Variants in RNF40 observed in about 807,000 individuals in gnomAD.
RNF40 encodes the protein ring finger protein 40, also known as E3 ubiquitin-protein ligase BRE1B.
A neutral mutation model predicts 123.3 loss-of-function variants in RNF40; 39 were observed. That is an observed-to-expected ratio of 0.32 (90% CI 0.24 to 0.41). The LOEUF is 0.41. Ranked by LOEUF, RNF40 falls within the 10% of genes least tolerant of loss-of-function variation. RNF40 has a pLI of 1.00. For synonymous variants in RNF40, 538 were observed against 526.0 expected, an observed-to-expected ratio of 1.02 and a Z score of -0.31; for missense variants, 1,003 against 1,319.9, an observed-to-expected ratio of 0.76 and a Z score of 3.72.
chr16:30,766,259 G>T lies in RNF40; in HGVS notation c.1090G>T (p.Val364Leu), dbSNP rs780112761. Residue 364 changes from valine (V) to leucine (L), a missense_variant, in exon 9 of 20, where the codon GTG becomes TTG. Around this residue, in one of 11 missense-constraint regions of RNF40, gnomAD observed 274 missense variants for 356.9 expected, o/e 0.77. Transcript: ENST00000324685. This position sits in a 1 kb window ranked among gnomAD's most constrained non-coding sequence, Gnocchi z 5.4. Reference protein sequence around the residue: ...EKLQAELQGAVRTNERLKVAL... With the variant: ...EKLQAELQGALRTNERLKVAL... ...ACTGCAGGCCGAACTTCAGGGGGCT[G>T]TGCGGACCAATGAGCGCCTCAAGGT... The T allele has an allele frequency of 1.2e-6, 2 of 1,614,172 alleles. No homozygotes were observed. The highest frequency in any genetic ancestry group is 4.5e-5 in the East Asian group (2 of 44,886).
At position 30,766,842 on chromosome 16, in the gene RNF40, G is replaced by A; in HGVS notation, c.1395G>A (p.Glu465=). 4 of 1,613,838 alleles carry A rather than the reference G, an allele frequency of 2.5e-6. No individual in the cohort carries two copies. The highest frequency in any genetic ancestry group is 3.4e-6 in the Non-Finnish European group (4 of 1,179,988). ...VRKEYEMLRI[E]FEQNLAANEQ... is the part of the protein sequence containing the mutation. ...AGGAGTATGAGATGCTGCGCATCGA[G>A]TTTGAGCAGAATCTGGCGGCCAACG... Residue 465 remains glutamate (E), a synonymous_variant, in exon 11 of 20, where the codon GAG becomes GAA. Transcript: ENST00000324685. The surrounding 1 kb of genome is among the most constrained non-coding windows in gnomAD (Gnocchi z 5.4).
rs371198760 is a variant in RNF40, at chr16:30,768,802, C to T, written c.2098-36C>T. 1.2e-5 allele frequency: 19 copies of T among 1,613,980 alleles called. No homozygotes were observed. Among genetic ancestry groups the T allele is most frequent in the Admixed American group, 1.7e-5 (1 of 60,012 alleles). On this transcript the variant is annotated intron_variant, in intron 14 of 19. Coordinates refer to ENST00000324685, the MANE Select transcript of RNF40 (RefSeq NM_014771.4). This position sits in a 1 kb window ranked among gnomAD's most constrained non-coding sequence, Gnocchi z 4.1. ...AGCAGAGTCCTAGCTCAGCAGGAAG[C>T]AGTGTCAAGAGAGTTTCTTCTTCCC...
rs1300383455 is a variant in RNF40, at chr16:30,774,836, C to T, written c.*722C>T. 7.7e-6 allele frequency: 3 copies of T among 388,724 alleles called. No individual in the cohort carries two copies. Among genetic ancestry groups the T allele is most frequent in the East Asian group, 7.2e-5 (1 of 13,852 alleles). 24.1% of individuals were successfully genotyped at this position (388,724 alleles called of 1,614,324 possible). A position where few individuals can be genotyped will look rare whatever the true frequency, so the allele number is the denominator to read the frequency against. ...CATTTCTCTGCCAAGCCCATTTACC[C>T]CCACCTCATGCATCCCAAGGCTCTA... is the stretch of plus-strand genomic sequence containing the variant. On this transcript the variant is annotated 3_prime_UTR_variant, in exon 20 of 20. Coordinates refer to ENST00000324685, the MANE Select transcript of RNF40 (RefSeq NM_014771.4).
chr16:30,774,354 G>T lies in RNF40; in HGVS notation c.*240G>T, dbSNP rs2054199271. 1 of 487,302 alleles carries T rather than the reference G, an allele frequency of 2.1e-6. No individual in the cohort carries two copies. Among genetic ancestry groups the T allele is most frequent in the South Asian group, 3.5e-5 (1 of 28,926 alleles). 30.2% of individuals were successfully genotyped at this position (487,302 alleles called of 1,614,324 possible). A position where few individuals can be genotyped will look rare whatever the true frequency, so the allele number is the denominator to read the frequency against. On this transcript the variant is annotated 3_prime_UTR_variant, in exon 20 of 20. Coordinates refer to ENST00000324685, the MANE Select transcript of RNF40 (RefSeq NM_014771.4). Reference sequence around the variant, plus strand: ...TAGGGGGCACTGCCCTACAGAAAAGGTCTGCCTGAGAGGCCTGAGGAGCCC... The same window carrying T: ...TAGGGGGCACTGCCCTACAGAAAAGTTCTGCCTGAGAGGCCTGAGGAGCCC...
At chr16:30,767,506 A>G (rs971843981) in intron 11 of RNF40, among the ~76,000 whole-genome samples, 1 of 152,038 alleles carries the variant, frequency 6.6e-6, no homozygotes, top group African/African-American at 2.4e-5. Flanking sequence ...GTATAAAAAA[A>G]AAAAAGAAAA....
In RNF40 at chr16:30,768,214, G is replaced by C; in HGVS notation, c.1663G>C (p.Val555Leu). The C allele has an allele frequency of 2.5e-6, 4 of 1,613,720 alleles. No homozygotes were observed. The highest frequency in any genetic ancestry group is 2.2e-5 in the South Asian group (2 of 91,080). The change falls in exon 13 of 20, where the codon GTC becomes CTC. Residue 555 changes from valine to leucine, a missense_variant. Physicochemically the swap from Val to Leu is conservative, Grantham distance 32 (BLOSUM62 1). Coordinates refer to ENST00000324685, the MANE Select transcript of RNF40 (RefSeq NM_014771.4). This position sits in a 1 kb window ranked among gnomAD's most constrained non-coding sequence, Gnocchi z 4.1. ...GAAAGAGGAGGGTGGGCCAGGCCCT[G>C]TCAGTACCCCCGACAACAGAAAGGA... is the stretch of plus-strand genomic sequence containing the variant. ...PGKEEGGPGP[V>L]STPDNRKEMA...
Position 30,766,972 on chromosome 16 carries a change from CT to C in RNF40, c.1429+104del. On this transcript the variant is annotated intron_variant, in intron 11 of 19. Transcript: ENST00000324685. This position sits in a 1 kb window ranked among gnomAD's most constrained non-coding sequence, Gnocchi z 5.4. ...TTATCCAGATGCAAGAGGCTAAGGC[CT>C]TTTTTTTCACAGAGCCTCGGCTTCC... 5.4e-5 allele frequency: 78 copies of C among 1,453,120 alleles called. No homozygotes were observed. The highest frequency in any genetic ancestry group is 6.8e-5 in the South Asian group (5 of 74,064). The allele number at this position is 1,453,120 out of a possible 1,614,324, so 90.0% of individuals were successfully genotyped here. A position where few individuals can be genotyped will look rare whatever the true frequency, so the allele number is the denominator to read the frequency against.
At position 30,775,023 on chromosome 16, in the gene RNF40, G is replaced by A. The variant is rs1401845042; in HGVS notation, c.*909G>A. On this transcript the variant is annotated 3_prime_UTR_variant, in exon 20 of 20. Transcript: ENST00000324685. Reference sequence around the variant, plus strand: ...CCCCTGACACCCTGTGACTGAGCCTGTGTCCTGTCTGCCTGCCCAGCCATG... The same window carrying A: ...CCCCTGACACCCTGTGACTGAGCCTATGTCCTGTCTGCCTGCCCAGCCATG... The A allele has an allele frequency of 6.6e-6, 3 of 456,558 alleles. No individual in the cohort carries two copies. Among genetic ancestry groups the A allele is most frequent in the South Asian group, 3.1e-5 (2 of 64,562 alleles). The allele number at this position is 456,558 out of a possible 1,614,324, so 28.3% of individuals were successfully genotyped here. A position where few individuals can be genotyped will look rare whatever the true frequency, so the allele number is the denominator to read the frequency against.
At chr16:30,764,801 A>T (rs2053997378) in intron 5 of RNF40, 137 bp from the exon 6 acceptor site, 6 of 1,274,274 alleles carry the variant, frequency 4.7e-6, no homozygotes, top group Non-Finnish European at 6.5e-6. Flanking sequence ...CAGTGGGGAT[A>T]AAGACTCCTG....
At chr16:30,762,756 A>ACAC in intron 2 of RNF40, 79 bp downstream of exon 2, 3 of 1,551,776 alleles carry the variant, frequency 1.9e-6, no homozygotes, top group Non-Finnish European at 2.6e-6. Flanking sequence ...GCGGAATCTT[A>ACAC]CACCCACTTC....
At chr16:30,770,457 G>T (rs1465582092) in intron 17 of RNF40, among the ~76,000 whole-genome samples, 1 of 152,096 alleles carries the variant, frequency 6.6e-6, no homozygotes, top group East Asian at 1.9e-4. Flanking sequence ...TGAGGCTCAG[G>T]GAGGTGGATT....
At position 30,769,752 on chromosome 16, in the gene RNF40, C is replaced by A. The variant is rs940963287; in HGVS notation, c.2586+152C>A. ...TATTGAACATTTACATGTGCCAGAC[C>A]ACATGCTGAGTACTTGACATGCTTG... On this transcript the variant is annotated intron_variant, in intron 17 of 19. Coordinates refer to ENST00000324685, the MANE Select transcript of RNF40 (RefSeq NM_014771.4). 12 of 845,936 alleles carry A rather than the reference C, an allele frequency of 1.4e-5. No individual in the cohort carries two copies. The African/African-American group carries it at 1.7e-4, about 12-fold the overall frequency. The allele number at this position is 845,936 out of a possible 1,614,324, so 52.4% of individuals were successfully genotyped here.
chr16:30,770,422 A>G (rs1213203853), intron 17 of RNF40, among the ~76,000 whole-genome samples: 2 of 151,876 alleles, frequency 1.3e-5, no homozygotes, highest in African/African-American at 4.8e-5. Context: ...TTTTGTTTTT[A>G]GCCTCGTTTT....
At position 30,769,179 on chromosome 16, in the gene RNF40, G is replaced by A; in HGVS notation, c.2248-7G>A. The A allele has an allele frequency of 5.0e-6, 8 of 1,614,062 alleles. No homozygotes were observed. Among genetic ancestry groups the A allele is most frequent in the Non-Finnish European group, 6.8e-6 (8 of 1,179,952 alleles). ...CGTTCCATCTTGTCTCTGCCCACTT[G>A]CTGCAGGAGGAGGAGGCTCTGCTCT... On this transcript the variant is annotated splice_region_variant and splice_polypyrimidine_tract_variant and intron_variant, in intron 15 of 19. Coordinates refer to ENST00000324685, the MANE Select transcript of RNF40 (RefSeq NM_014771.4).
intron 17 of RNF40, 75 bp from the exon 18 acceptor site, chr16:30,771,758 T>C: frequency 1.4e-6 from 2 of 1,478,300 alleles, no homozygotes; most frequent in Non-Finnish European, 1.8e-6. Flanking sequence ...GACAGAAGCA[T>C]TGGTGGGCCG....
chr16:30,772,108 G>C lies in RNF40; in HGVS notation c.2747G>C (p.Arg916Pro). The change falls in exon 19 of 20, where the codon CGG (arginine) becomes CCG (proline). Residue 916 changes from arginine (R) to proline (P), a missense_variant. This residue lies in a region of RNF40 where 76 missense variants were observed against 134.1 expected (regional missense o/e 0.57). Transcript: ENST00000324685. ...CCCCAGGAGGACATCTCACGGCTGC[G>C]GCGCAAGCTGGAAAAGCAGAGGAAG... ...KRAQEDISRLRRKLEKQRKVE... is the reference protein window; with the variant it reads ...KRAQEDISRLPRKLEKQRKVE... The C allele has an allele frequency of 6.4e-7, 1 of 1,558,484 alleles. No homozygotes were observed. Among genetic ancestry groups the C allele is most frequent in the Non-Finnish European group, 8.7e-7 (1 of 1,150,948 alleles).
At chr16:30,771,489 C>T (rs368041901) in intron 17 of RNF40, among the ~76,000 whole-genome samples, 1 of 151,898 alleles carries the variant, frequency 6.6e-6, no homozygotes, top group East Asian at 1.9e-4. Flanking sequence ...TGGTGGTGGG[C>T]GCCTATAGTC....
In RNF40 at chr16:30,771,982, A is replaced by G; in HGVS notation, c.2727+9A>G. The G allele has an allele frequency of 6.3e-7, 1 of 1,588,452 alleles. No individual in the cohort carries two copies. The highest frequency in any genetic ancestry group is 8.6e-7 in the Non-Finnish European group (1 of 1,163,478). ...ACCTCAAGAGGGCTCAGGTGTGTGC[A>G]GGGGTGAGGGGCCAGGCCAGGGTGG... On this transcript the variant is annotated intron_variant, in intron 18 of 19. Transcript: ENST00000324685.
rs1286109810 is a variant in RNF40, at chr16:30,763,482, C to T, written c.365C>T (p.Pro122Leu). ...HESQGELSSA[P>L]EAPGTQEGPT... ...AGCCAGGGGGAGCTGTCTTCAGCGC[C>T]TGAGGCACCTGGGACCCAGGAGGGG... The change falls in exon 4 of 20, where the codon CCT becomes CTT. Residue 122 changes from proline to leucine, a missense_variant. Transcript: ENST00000324685. 1.2e-6 allele frequency: 2 copies of T among 1,613,686 alleles called. No individual in the cohort carries two copies. Among genetic ancestry groups the T allele is most frequent in the East Asian group, 2.2e-5 (1 of 44,902 alleles).
Sources: allele counts gnomAD v4.1 joint callset (sites outside exome capture counted in the v4.1 genomes callset), GRCh38; gene constraint gnomAD v4.1.1; regional missense constraint gnomAD v4.1.1; non-coding constraint Gnocchi (gnomAD v3.1); transcripts MANE v1.5; gene names NCBI Gene and HGNC (gene_info 2026-07-23, HGNC 2026-07-21).